TTC17: variants seen among roughly 807,000 people sequenced by gnomAD.
TTC17 encodes tetratricopeptide repeat domain 17.
TTC17 carries 58 observed loss-of-function variants against 143.8 expected under a neutral mutation model. The observed-to-expected ratio is 0.40, with a 90% confidence interval of 0.33 to 0.50. The LOEUF (loss-of-function observed/expected upper bound fraction) is 0.50. TTC17 is among the 20% of genes least tolerant of loss of function. TTC17 has a pLI of 0.49. For missense variants in TTC17, 1,273 were observed against 1,392.5 expected (o/e 0.91, Z 1.37); for synonymous variants, 501 against 497.8 (o/e 1.01, Z -0.09).
At chr11:43,439,815 G>C (rs1334970440) in intron 16 of TTC17, among the ~76,000 whole-genome samples, 6 of 152,038 alleles carry the variant, frequency 3.9e-5, no homozygotes, top group African/African-American at 1.4e-4. Flanking sequence ...TGTGATTCTT[G>C]ATAGTACCTA....
intron 16 of TTC17, among the ~76,000 whole-genome samples, chr11:43,430,705 A>ACATG (rs1301075480): frequency 1.9e-5 from 2 of 103,708 alleles, no homozygotes; most frequent in African/African-American, 3.6e-5. Flanking sequence ...TCCCCTACAT[A>ACATG]CACGCACACA....
intron 21 of TTC17, among the ~76,000 whole-genome samples, chr11:43,467,917 G>A (rs1319405668): frequency 6.6e-6 from 1 of 151,726 alleles, no homozygotes. Context: ...AGGAGAAGAG[G>A]AGAGAGAACA....
intron 16 of TTC17, among the ~76,000 whole-genome samples, chr11:43,415,423 A>G (rs1336008188): frequency 6.6e-6 from 1 of 152,176 alleles, no homozygotes; most frequent in African/African-American, 2.4e-5. Flanking sequence ...CCTTCACTAT[A>G]AGAAAAAATA....
intron 21 of TTC17, among the ~76,000 whole-genome samples, chr11:43,489,389 G>A (rs1948433077): frequency 6.6e-6 from 1 of 152,194 alleles, no homozygotes; most frequent in Non-Finnish European, 1.5e-5. Context: ...AACAAACTCT[G>A]TGATGGGGCT....
chr11:43,408,398 A>G (rs1262056718), intron 15 of TTC17, among the ~76,000 whole-genome samples: 2 of 152,214 alleles, frequency 1.3e-5, no homozygotes, highest in South Asian at 2.1e-4. Context: ...GAAGTTTACA[A>G]TCTCAATATT....
At chr11:43,408,864 C>T (rs1390395404) in intron 15 of TTC17, among the ~76,000 whole-genome samples, 1 of 152,082 alleles carries the variant, frequency 6.6e-6, no homozygotes, top group Non-Finnish European at 1.5e-5. Flanking sequence ...ACCTCAGCCT[C>T]CCTAGTAGCT....
At position 43,466,852 on chromosome 11, in the gene TTC17, T is replaced by C. The variant is rs1947983208; in HGVS notation, c.3030+15587T>C. 4.1e-5 allele frequency: 11 copies of C among 271,028 alleles called. 1 individual carries two copies. In the South Asian group the frequency reaches 4.7e-4, roughly 11 times the overall value. The allele number at this position is 271,028 out of a possible 1,614,324, so 16.8% of individuals were successfully genotyped here. A position where few individuals can be genotyped will look rare whatever the true frequency, so the allele number is the denominator to read the frequency against. ...AATGGCAAGACAAGCAAGATCGCCATTGCCAACTGCAGACAACTCTGATAA... is the reference window on the plus strand; with the variant it reads ...AATGGCAAGACAAGCAAGATCGCCACTGCCAACTGCAGACAACTCTGATAA... On this transcript the variant is annotated intron_variant, in intron 21 of 23. Transcript: ENST00000039989.
chr11:43,453,010 A>G (rs1947693043), intron 21 of TTC17, among the ~76,000 whole-genome samples: 1 of 152,186 alleles, frequency 6.6e-6, no homozygotes, highest in Non-Finnish European at 1.5e-5. Context: ...TGGATATAAA[A>G]ACAGGAGATA....
chr11:43,437,551 C>G (rs1947320285), intron 16 of TTC17, among the ~76,000 whole-genome samples: 1 of 152,136 alleles, frequency 6.6e-6, no homozygotes, highest in African/African-American at 2.4e-5. Flanking sequence ...TTGCAAGTTA[C>G]TTAATCTTCC....
intron 21 of TTC17, among the ~76,000 whole-genome samples, chr11:43,480,494 C>T (rs559249966): frequency 4.0e-4 from 61 of 152,138 alleles, no homozygotes; most frequent in African/African-American, 1.1e-3. Context: ...CCAAGAGTGC[C>T]GTTCTAAAGA....
Position 43,412,981 on chromosome 11 carries a change from GACACACACACACACACAC to G in TTC17, c.2065-1579_2065-1562del, listed in dbSNP as rs57982323. On this transcript the variant is annotated intron_variant, in intron 15 of 23. Transcript: ENST00000039989. Reference sequence around the variant, plus strand: ...TCTACATAGAACTGGACCTAGAATAGACACACACACACACACACACACACACACACACACACACACACA... The same window carrying G: ...TCTACATAGAACTGGACCTAGAATAGACACACACACACACACACACACACA... Among the ~76,000 whole-genome samples, 73 of 140,482 alleles carry G rather than the reference GACACACACACACACACAC, an allele frequency of 5.2e-4. No homozygotes were observed. The East Asian group carries it at 8.2e-3, about 16-fold the overall frequency. The allele number at this position is 140,482 out of a possible 152,430, so 92.2% of individuals were successfully genotyped here.
intron 1 of TTC17, among the ~76,000 whole-genome samples, chr11:43,371,329 CA>C (rs1856560061): frequency 6.6e-6 from 1 of 152,192 alleles, no homozygotes; most frequent in Non-Finnish European, 1.5e-5. Context: ...CCACCCAATT[CA>C]GTCCCAGCCT....
At position 43,368,054 on chromosome 11, in the gene TTC17, C is replaced by G. The variant is rs79273174; in HGVS notation, c.159+8941C>G. 6.5e-3 allele frequency among the ~76,000 whole-genome samples: 993 copies of G among 152,290 alleles called. 13 individuals carry two copies. The highest frequency in any genetic ancestry group is 0.023 in the African/African-American group (939 of 41,566). On this transcript the variant is annotated intron_variant, in intron 1 of 23. Transcript: ENST00000039989. ...GCAACTTTTTACACCTGTAATAGCTCTTACATGCATTAGCATACAGAAGAG... is the reference window on the plus strand; with the variant it reads ...GCAACTTTTTACACCTGTAATAGCTGTTACATGCATTAGCATACAGAAGAG...
intron 21 of TTC17, among the ~76,000 whole-genome samples, chr11:43,458,454 T>C (rs1041433603): frequency 1.4e-4 from 22 of 152,178 alleles, no homozygotes; most frequent in Non-Finnish European, 4.4e-5. Flanking sequence ...TCATTTCAAC[T>C]GCATTCTTGT....
At chr11:43,359,276 C>A in intron 1 of TTC17, 163 bp downstream of exon 1, 1 of 845,694 alleles carries the variant, frequency 1.2e-6, no homozygotes, top group Non-Finnish European at 1.7e-6. Flanking sequence ...ACCAGGCAGG[C>A]ACTTCCCGCT....
intron 9 of TTC17, 145 bp downstream of exon 9, chr11:43,400,193 T>A: frequency 1.1e-6 from 1 of 925,008 alleles, no homozygotes; most frequent in Non-Finnish European, 1.6e-6. Flanking sequence ...TTCATCACTG[T>A]GGGTATACCA....
intron 16 of TTC17, among the ~76,000 whole-genome samples, chr11:43,416,660 T>C (rs16937493): frequency 0.034 from 5,134 of 152,222 alleles, 109 homozygotes; most frequent in Middle Eastern, 0.078. Context: ...AGAAAATAAC[T>C]TGACATGGAA....
At chr11:43,359,893 T>C (rs1353174314) in intron 1 of TTC17, among the ~76,000 whole-genome samples, 2 of 152,226 alleles carry the variant, frequency 1.3e-5, no homozygotes, top group Non-Finnish European at 2.9e-5. Context: ...GCTTTTCTTA[T>C]ATAACTTTAT....
At chr11:43,405,738 T>G (rs1449642010) in intron 12 of TTC17, 48 bp from the exon 13 acceptor site, 1 of 1,611,998 alleles carries the variant, frequency 6.2e-7, no homozygotes. Flanking sequence ...TATCTTGAAG[T>G]CACCCAAACT....
Sources: allele counts gnomAD v4.1 joint callset (sites outside exome capture counted in the v4.1 genomes callset), GRCh38; gene constraint gnomAD v4.1.1; transcripts MANE v1.5; gene names NCBI Gene and HGNC (gene_info 2026-07-23, HGNC 2026-07-21).